Variants in FGD3 observed in about 807,000 individuals in gnomAD.
The protein encoded by FGD3 is FYVE, RhoGEF and PH domain containing 3.
A neutral mutation model predicts 71.8 loss-of-function variants in FGD3; 45 were observed. The observed-to-expected ratio is 0.63, with a 90% CI of 0.49 to 0.80. FGD3 has a LOEUF of 0.80. Among genes scored for constraint, FGD3 ranks in the 30% least tolerant of loss-of-function variants. The pLI is 0.00. For missense variants in FGD3, 844 were observed against 951.5 expected (o/e 0.89, Z 1.49); for synonymous variants, 378 against 392.8 (o/e 0.96, Z 0.44).
chr9:92,976,622 C>T lies in FGD3; in HGVS notation c.366C>T (p.Pro122=), dbSNP rs752771592. ...ACAGCCAGGTCCCGAAGGTCACCCC[C>T]CAGGAGGAGGCGGACAGCGACGTGG... ...ALDSQVPKVT[P]QEEADSDVGE... Residue 122 remains proline, a synonymous_variant, in exon 3 of 18, where the codon CCC becomes CCT. Coordinates refer to ENST00000375482, the MANE Select transcript of FGD3 (RefSeq NM_001083536.2). 3 of 1,612,870 alleles carry T rather than the reference C, an allele frequency of 1.9e-6. No homozygotes were observed. The highest frequency in any genetic ancestry group is 1.7e-5 in the Admixed American group (1 of 59,984).
At chr9:92,986,534 CG>C (rs1860193884) in intron 3 of FGD3, among the ~76,000 whole-genome samples, 1 of 152,172 alleles carries the variant, frequency 6.6e-6, no homozygotes, top group African/African-American at 2.4e-5. Flanking sequence ...TTTGAGAGGG[CG>C]ATGTTTATTT....
intron 2 of FGD3, 122 bp from the exon 3 acceptor site, chr9:92,976,086 C>A (rs1859740507): frequency 1.6e-6 from 1 of 609,296 alleles, no homozygotes; most frequent in Non-Finnish European, 2.8e-6. Flanking sequence ...CCCCAGCCCA[C>A]CTGCTCCAGG....
intron 10 of FGD3, among the ~76,000 whole-genome samples, chr9:93,016,893 T>C (rs999990228): frequency 6.6e-6 from 1 of 152,218 alleles, no homozygotes; most frequent in Non-Finnish European, 1.5e-5. Flanking sequence ...AGTGCTGGGA[T>C]TACAGGCATC....
chr9:92,952,070 G>A (rs1433641201), intron 1 of FGD3, among the ~76,000 whole-genome samples: 2 of 152,096 alleles, frequency 1.3e-5, no homozygotes, highest in South Asian at 2.1e-4. Context: ...GGAATAATTC[G>A]TGGCCCTAAT....
At chr9:93,012,364 A>G (rs932818942) in intron 8 of FGD3, among the ~76,000 whole-genome samples, 1 of 152,092 alleles carries the variant, frequency 6.6e-6, no homozygotes, top group African/African-American at 2.4e-5. Flanking sequence ...GAGCTGCAAC[A>G]TGTCCAGGGT....
rs565271769 is a variant in FGD3 at position 92,973,710 on chromosome 9, C to T, written c.-217-1528C>T. The stretch of plus-strand genomic sequence containing the variant: ...GCTGGTGGGCATAGGCGTGTCCCTG[C>T]CCTGTGAAAGCTCCCTGTGGTCCTC... On this transcript the variant is annotated intron_variant, in intron 1 of 17. Coordinates refer to ENST00000375482, the MANE Select transcript of FGD3 (RefSeq NM_001083536.2). Among the ~76,000 whole-genome samples, 11 of 152,290 alleles carry T rather than the reference C, an allele frequency of 7.2e-5. No individual in the cohort carries two copies. The South Asian group carries it at 2.3e-3, about 32-fold the overall frequency.
intron 1 of FGD3, among the ~76,000 whole-genome samples, chr9:92,961,220 G>A (rs1053997999): frequency 1.2e-4 from 19 of 152,162 alleles, no homozygotes; most frequent in Non-Finnish European, 2.4e-4. Flanking sequence ...TCTCATCAGA[G>A]GCACCCACCC....
intron 3 of FGD3, among the ~76,000 whole-genome samples, chr9:92,996,279 G>A (rs1259034241): frequency 6.6e-6 from 1 of 152,198 alleles, no homozygotes; most frequent in Non-Finnish European, 1.5e-5. Flanking sequence ...GGTGTTTATA[G>A]TATTTGCTGA....
In FGD3 at chr9:93,034,630, C is replaced by T. The variant is rs779059467; in HGVS notation, c.1875C>T (p.Ala625=). 1.2e-5 allele frequency: 19 copies of T among 1,613,366 alleles called. No homozygotes were observed. Among genetic ancestry groups the T allele is most frequent in the South Asian group, 2.2e-5 (2 of 91,070 alleles). Residue 625 remains alanine (A), a synonymous_variant, in exon 17 of 18, where the codon GCC becomes GCT. Transcript: ENST00000375482. ...ESGETWSEVW[A]AIPMSDPQVL... The stretch of plus-strand genomic sequence containing the variant: ...GTGAGACCTGGAGCGAGGTGTGGGC[C>T]GCCATCCCCATGTCAGATCCCCAGG...
chr9:93,007,019 G>A (rs1302186507), intron 6 of FGD3, among the ~76,000 whole-genome samples: 4 of 151,596 alleles, frequency 2.6e-5, no homozygotes, highest in East Asian at 1.9e-4. Flanking sequence ...GAGCCACCGC[G>A]CCCCGCCTGA....
intron 6 of FGD3, 134 bp from the exon 7 acceptor site, chr9:93,010,112 C>T (rs1457587995): frequency 9.6e-7 from 1 of 1,036,356 alleles, no homozygotes; most frequent in Middle Eastern, 3.1e-4. Context: ...CTGTGTCAGC[C>T]ATGTCTTGAA....
chr9:93,018,101 T>C, intron 10 of FGD3, 35 bp from the exon 11 acceptor site: 2 of 1,598,894 alleles, frequency 1.3e-6, no homozygotes, highest in Non-Finnish European at 1.7e-6. Flanking sequence ...ATGACCAGCT[T>C]GGGTTTGCTT....
chr9:93,010,206 C>T lies in FGD3; in HGVS notation c.838-40C>T, dbSNP rs189184000. The T allele has an allele frequency of 2.3e-5, 36 of 1,565,398 alleles. No individual in the cohort carries two copies. The East Asian group carries it at 5.0e-4, about 22-fold the overall frequency. The stretch of plus-strand genomic sequence containing the variant: ...AGCCGGTGGGGCTGGCATCCACACA[C>T]GTGTCCTTGGAGTGCCCAATGCTCC... On this transcript the variant is annotated intron_variant, in intron 6 of 17. Coordinates refer to ENST00000375482, the MANE Select transcript of FGD3 (RefSeq NM_001083536.2).
intron 6 of FGD3, 45 bp from the exon 7 acceptor site, chr9:93,010,200 CA>C (rs1861255291): frequency 6.4e-7 from 1 of 1,553,028 alleles, no homozygotes; most frequent in Non-Finnish European, 8.8e-7. Flanking sequence ...GGCTGGCATC[CA>C]CACACGTGTC....
intron 1 of FGD3, among the ~76,000 whole-genome samples, chr9:92,959,121 G>A (rs1859120132): frequency 6.6e-6 from 1 of 151,988 alleles, no homozygotes. Flanking sequence ...CGCCATGCCT[G>A]GCTAATTTTT....
chr9:92,996,269 G>A (rs1489610948), intron 3 of FGD3, among the ~76,000 whole-genome samples: 1 of 152,170 alleles, frequency 6.6e-6, no homozygotes, highest in Non-Finnish European at 1.5e-5. Flanking sequence ...TTTGCATAAA[G>A]GTGTTTATAG....
chr9:93,019,374 G>A (rs965261442), intron 11 of FGD3, among the ~76,000 whole-genome samples: 1 of 152,194 alleles, frequency 6.6e-6, no homozygotes, highest in African/African-American at 2.4e-5. Flanking sequence ...TCACAAATGC[G>A]GCTGCAAGCA....
At chr9:93,001,253 T>C (rs757232606) in intron 3 of FGD3, among the ~76,000 whole-genome samples, 2 of 152,176 alleles carry the variant, frequency 1.3e-5, no homozygotes, top group Admixed American at 6.5e-5. Flanking sequence ...TTATGACAAC[T>C]ATTTCGATGT....
At chr9:92,972,404 A>T (rs1241681394) in intron 1 of FGD3, among the ~76,000 whole-genome samples, 1 of 145,112 alleles carries the variant, frequency 6.9e-6, no homozygotes, top group Non-Finnish European at 1.5e-5. Context: ...GTGAACCTAG[A>T]TTGTGGCCAC....
Sources: gnomAD v4.1 joint callset for allele counts (sites outside exome capture counted in the v4.1 genomes callset) on GRCh38, gnomAD v4.1.1 for gene constraint, MANE v1.5 for transcripts, NCBI Gene and HGNC (gene_info 2026-07-23, HGNC 2026-07-21) for gene names.